The following ZFHX3 variants were observed in gnomAD, a reference collection of about 807,000 sequenced individuals.
ZFHX3 encodes zinc finger homeobox 3, also known as zinc finger homeobox protein 3.
A neutral mutation model predicts 279.1 loss-of-function variants in ZFHX3; 42 were observed. The observed-to-expected ratio is 0.15, with a 90% confidence interval of 0.12 to 0.19. The LOEUF is 0.19. Among genes scored for constraint, ZFHX3 ranks in the 10% least tolerant of loss-of-function variants. The pLI, the probability that ZFHX3 is intolerant of heterozygous loss-of-function variation, is 1.00. For synonymous variants in ZFHX3, 2,293 were observed against 1,957.8 expected (o/e 1.17, Z -4.52); for missense variants, 4,981 against 4,754.0 (o/e 1.05, Z -1.40).
chr16:72,864,605 T>C (rs778745935), intron 4 of ZFHX3, among the ~76,000 whole-genome samples: 13 of 152,346 alleles, frequency 8.5e-5, no homozygotes, highest in Non-Finnish European at 1.5e-4. Flanking sequence ...AACTTGTGAA[T>C]GAAGCACCAA....
intron 2 of ZFHX3, among the ~76,000 whole-genome samples, chr16:73,677,797 G>A (rs1597061196): frequency 1.3e-5 from 2 of 151,834 alleles, no homozygotes; most frequent in East Asian, 3.9e-4. Flanking sequence ...AACAAAGATG[G>A]CACAAAAAAA....
intron 1 of ZFHX3, among the ~76,000 whole-genome samples, chr16:73,825,420 G>C (rs1337149242): frequency 3.6e-4 from 36 of 100,492 alleles, no homozygotes; most frequent in African/African-American, 4.0e-4. Flanking sequence ...GATCCCATTT[G>C]TCAATTTTGG....
At chr16:73,776,381 C>A (rs957855690) in intron 1 of ZFHX3, among the ~76,000 whole-genome samples, 1 of 152,044 alleles carries the variant, frequency 6.6e-6, no homozygotes, top group Admixed American at 6.6e-5. Flanking sequence ...CAGTTCTATG[C>A]GCTACTCTAA....
At chr16:73,663,293 G>A (rs2052803971) in intron 2 of ZFHX3, among the ~76,000 whole-genome samples, 2 of 152,122 alleles carry the variant, frequency 1.3e-5, no homozygotes, top group South Asian at 4.1e-4. Flanking sequence ...TTTGGAAATG[G>A]CAGGTCATTT....
intron 8 of ZFHX3, among the ~76,000 whole-genome samples, chr16:73,086,106 AT>A (rs1412287332): frequency 6.6e-6 from 1 of 152,172 alleles, no homozygotes; most frequent in Non-Finnish European, 1.5e-5. Flanking sequence ...TTAAAATGCC[AT>A]TTAAAAATGC....
rs113234181 is a variant in ZFHX3, at chr16:73,079,593, C to T, written c.-533+13642G>A. Among the ~76,000 whole-genome samples, 531 of 152,170 alleles carry T rather than the reference C, an allele frequency of 3.5e-3. 4 individuals carry two copies. The highest frequency in any genetic ancestry group is 0.012 in the African/African-American group (505 of 41,524). ...GCCTCAAGTGATCCTCCCACCCTGG[C>T]CTCCCAAAGTGTTGGGGTTACAAGC... On this transcript the variant is annotated intron_variant, in intron 8 of 17. Coordinates refer to the ZFHX3 transcript ENST00000641206.
intron 3 of ZFHX3, among the ~76,000 whole-genome samples, chr16:73,376,026 G>C (rs952425505): frequency 6.6e-5 from 10 of 152,154 alleles, no homozygotes; most frequent in Non-Finnish European, 1.5e-4. Flanking sequence ...TCTGAAGTCA[G>C]ATGTACAAAA....
At chr16:73,214,980 T>C (rs954052535) in intron 5 of ZFHX3, among the ~76,000 whole-genome samples, 9 of 148,768 alleles carry the variant, frequency 6.0e-5, no homozygotes, top group African/African-American at 2.2e-4. Context: ...GCCAAACAAC[T>C]GATTACAAAG....
chr16:73,150,059 G>A (rs945926408), intron 5 of ZFHX3, among the ~76,000 whole-genome samples: 3 of 152,114 alleles, frequency 2.0e-5, no homozygotes, highest in Non-Finnish European at 2.9e-5. Flanking sequence ...ATGATTTCTT[G>A]TACCAAGCAG....
chr16:73,886,576 G>C (rs1042906181), intron 1 of ZFHX3, among the ~76,000 whole-genome samples: 3 of 152,200 alleles, frequency 2.0e-5, no homozygotes, highest in African/African-American at 4.8e-5. Context: ...AATTATTCTA[G>C]ATCTTGTCAG....
At chr16:72,898,810 G>A (rs2038962849) in intron 3 of ZFHX3, among the ~76,000 whole-genome samples, 1 of 150,464 alleles carries the variant, frequency 6.6e-6, no homozygotes, top group Non-Finnish European at 1.5e-5. Context: ...GCATGCATAT[G>A]ATGGTGAATG....
chr16:73,715,286 G>T (rs775191278), intron 1 of ZFHX3, among the ~76,000 whole-genome samples: 12 of 152,150 alleles, frequency 7.9e-5, no homozygotes, highest in Non-Finnish European at 4.4e-5. Flanking sequence ...AAAGTGAAGA[G>T]CATCCAAATG....
At chr16:73,763,660 G>A (rs538242286) in intron 1 of ZFHX3, among the ~76,000 whole-genome samples, 27 of 152,248 alleles carry the variant, frequency 1.8e-4, no homozygotes, top group African/African-American at 3.1e-4. Flanking sequence ...TGTGGAACCT[G>A]TTACTTGCTT....
At chr16:73,064,381 T>G (rs1484611232), upstream of ZFHX3, among the ~76,000 whole-genome samples, 1 of 152,052 alleles carries the variant, frequency 6.6e-6, no homozygotes, top group Admixed American at 6.5e-5. Flanking sequence ...AGAAGGCAGC[T>G]GAGGTCTGTC....
intron 1 of ZFHX3, among the ~76,000 whole-genome samples, chr16:73,817,766 T>C (rs1419096730): frequency 6.6e-6 from 1 of 152,186 alleles, no homozygotes; most frequent in Non-Finnish European, 1.5e-5. Context: ...AGTACTGCAT[T>C]AGTCTATAAA....
chr16:73,105,017 C>A (rs1399554284), intron 7 of ZFHX3, among the ~76,000 whole-genome samples: 3 of 152,112 alleles, frequency 2.0e-5, no homozygotes, highest in African/African-American at 4.8e-5. Context: ...AAGAGGACTA[C>A]AAAACAGCAG....
chr16:72,891,817 G>C (rs540038296), intron 3 of ZFHX3, among the ~76,000 whole-genome samples: 6 of 152,260 alleles, frequency 3.9e-5, no homozygotes, highest in African/African-American at 1.2e-4. Context: ...GCCAAGCCTG[G>C]CCCATGGAGC....
chr16:73,308,380 G>A (rs758554391), intron 4 of ZFHX3, among the ~76,000 whole-genome samples: 21 of 151,140 alleles, frequency 1.4e-4, no homozygotes, highest in Middle Eastern at 3.5e-3. Context: ...TGGGTTCTCC[G>A]CTCAATGCCA....
At chr16:72,907,595 G>C (rs1212316110) in intron 3 of ZFHX3, among the ~76,000 whole-genome samples, 3 of 139,552 alleles carry the variant, frequency 2.1e-5, no homozygotes, top group Non-Finnish European at 4.6e-5. Context: ...GTGTGTGTGT[G>C]TGTGTGTGTG....
Sources: gnomAD v4.1 joint callset for allele counts (sites outside exome capture counted in the v4.1 genomes callset) on GRCh38, gnomAD v4.1.1 for gene constraint, MANE v1.5 for transcripts, NCBI Gene and HGNC (gene_info 2026-07-23, HGNC 2026-07-21) for gene names.